THRB: variants seen among roughly 807,000 people sequenced by gnomAD.
The protein encoded by THRB is thyroid hormone receptor beta, also known as nuclear receptor subfamily 1 group A member 2.
Under a neutral mutation model 47.8 loss-of-function variants are expected in THRB, and 12 were observed. The ratio of observed to expected loss-of-function variants is 0.25; its 90% confidence interval spans 0.16 to 0.41. The LOEUF is 0.41. Ranked by LOEUF, THRB falls within the 10% of genes least tolerant of loss-of-function variation. The pLI is 1.00. For missense variants in THRB, 348 were observed against 589.2 expected (o/e 0.59, Z 4.24); for synonymous variants, 218 against 212.2 (o/e 1.03, Z -0.24).
At chr3:24,255,044 T>C (rs2051108064) in intron 3 of THRB, among the ~76,000 whole-genome samples, 3 of 152,204 alleles carry the variant, frequency 2.0e-5, no homozygotes, top group Admixed American at 1.3e-4. Context: ...TTGGGAAGAA[T>C]GGAAAAATGG....
At chr3:24,277,893 T>C (rs999774199) in intron 3 of THRB, among the ~76,000 whole-genome samples, 8 of 152,208 alleles carry the variant, frequency 5.3e-5, no homozygotes, top group African/African-American at 1.2e-4. Context: ...TATCAAATAA[T>C]TGATGTTCTC....
intron 1 of THRB, among the ~76,000 whole-genome samples, chr3:24,355,339 T>C (rs1307847421): frequency 6.6e-6 from 1 of 152,150 alleles, no homozygotes; most frequent in Non-Finnish European, 1.5e-5. Context: ...GAAATGTTTC[T>C]GTATAATAAA....
intron 1 of THRB, among the ~76,000 whole-genome samples, chr3:24,369,630 C>T (rs1396214923): frequency 6.6e-6 from 1 of 152,140 alleles, no homozygotes; most frequent in Non-Finnish European, 1.5e-5. Flanking sequence ...ACACTCCTCT[C>T]CTCTCTTGAA....
At chr3:24,246,025 T>C (rs2050081770) in intron 3 of THRB, among the ~76,000 whole-genome samples, 1 of 152,216 alleles carries the variant, frequency 6.6e-6, no homozygotes, top group South Asian at 2.1e-4. Flanking sequence ...ATCTGGATGC[T>C]TGGACAGAAT....
chr3:24,265,956 C>G (rs568246041), intron 3 of THRB, among the ~76,000 whole-genome samples: 1 of 152,088 alleles, frequency 6.6e-6, no homozygotes, highest in Non-Finnish European at 1.5e-5. Flanking sequence ...GAATGAATGT[C>G]TGTATTTTCT....
At chr3:24,336,480 A>G (rs2062257975) in intron 2 of THRB, among the ~76,000 whole-genome samples, 1 of 152,242 alleles carries the variant, frequency 6.6e-6, no homozygotes, top group African/African-American at 2.4e-5. Context: ...TAATAAACAC[A>G]GAAAGGAAAG....
chr3:24,409,061 A>AT (rs1259069863), intron 1 of THRB, among the ~76,000 whole-genome samples: 7 of 151,814 alleles, frequency 4.6e-5, no homozygotes, highest in African/African-American at 1.7e-4. Flanking sequence ...ACTTTCTATC[A>AT]TTTTTTATTT....
chr3:24,148,764 A>G (rs569213523), intron 6 of THRB, among the ~76,000 whole-genome samples: 5 of 152,224 alleles, frequency 3.3e-5, no homozygotes, highest in Non-Finnish European at 7.3e-5. Context: ...TTATTATGAA[A>G]ATGCCCGAGG....
At chr3:24,294,723 C>T (rs2056297387) in intron 3 of THRB, among the ~76,000 whole-genome samples, 1 of 152,206 alleles carries the variant, frequency 6.6e-6, no homozygotes, top group South Asian at 2.1e-4. Context: ...ACCCAATTAA[C>T]TAAATTAAAC....
chr3:24,431,274 A>T (rs2070388129), intron 1 of THRB, among the ~76,000 whole-genome samples: 3 of 151,498 alleles, frequency 2.0e-5, no homozygotes, highest in African/African-American at 4.8e-5. Flanking sequence ...ACACACACAC[A>T]CACACACACA....
intron 4 of THRB, among the ~76,000 whole-genome samples, chr3:24,206,809 A>C (rs1261038065): frequency 6.6e-6 from 1 of 152,192 alleles, no homozygotes; most frequent in Non-Finnish European, 1.5e-5. Context: ...AAAATGATAA[A>C]GGGGATATCA....
chr3:24,341,384 C>T (rs550458803), intron 1 of THRB, among the ~76,000 whole-genome samples: 32 of 152,054 alleles, frequency 2.1e-4, no homozygotes, highest in South Asian at 4.2e-4. Context: ...GCGTGTACCA[C>T]CACACTCAGC....
chr3:24,253,117 G>A (rs1206286922), intron 3 of THRB, among the ~76,000 whole-genome samples: 3 of 152,164 alleles, frequency 2.0e-5, no homozygotes, highest in Non-Finnish European at 4.4e-5. Flanking sequence ...AACACTCAGA[G>A]ATAATGTACG....
intron 3 of THRB, among the ~76,000 whole-genome samples, chr3:24,288,740 G>A (rs2055604090): frequency 6.6e-6 from 1 of 152,182 alleles, no homozygotes; most frequent in Admixed American, 6.5e-5. Flanking sequence ...ACATAAGTGG[G>A]TTGTGAAATC....
chr3:24,252,603 C>A (rs766473436), intron 3 of THRB, among the ~76,000 whole-genome samples: 2 of 151,164 alleles, frequency 1.3e-5, no homozygotes, highest in Non-Finnish European at 2.9e-5. Context: ...TTCTTAAACA[C>A]CTGTAACAAC....
chr3:24,146,939 T>C, intron 6 of THRB, 117 bp from the exon 7 acceptor site: 1 of 841,564 alleles, frequency 1.2e-6, no homozygotes, highest in Non-Finnish European at 2.0e-6. Context: ...AACCTGTTTC[T>C]AGGCCTCTAG....
intron 1 of THRB, among the ~76,000 whole-genome samples, chr3:24,365,928 T>C (rs2064425733): frequency 6.6e-6 from 1 of 152,186 alleles, no homozygotes. Flanking sequence ...AAGTAACTTC[T>C]ATCACATTTG....
intron 5 of THRB, among the ~76,000 whole-genome samples, chr3:24,189,682 G>T (rs1009481911): frequency 3.3e-5 from 5 of 152,146 alleles, no homozygotes; most frequent in African/African-American, 9.7e-5. Context: ...TTAGCTACTG[G>T]CACACTTGGG....
At chr3:24,403,918 A>C (rs2067620956) in intron 1 of THRB, among the ~76,000 whole-genome samples, 1 of 151,984 alleles carries the variant, frequency 6.6e-6, no homozygotes, top group South Asian at 2.1e-4. Flanking sequence ...TTTGATTTTC[A>C]GACTTGGGTG....
Sources: allele counts gnomAD v4.1 joint callset (sites outside exome capture counted in the v4.1 genomes callset), GRCh38; gene constraint gnomAD v4.1.1; transcripts MANE v1.5; gene names NCBI Gene and HGNC (gene_info 2026-07-23, HGNC 2026-07-21).